Variants in PCYT2 observed in about 807,000 individuals in gnomAD.
PCYT2 encodes ethanolamine-phosphate cytidylyltransferase.
PCYT2 carries 33 observed loss-of-function variants against 50.0 expected under a neutral mutation model. The observed-to-expected ratio is 0.66, with a 90% CI of 0.50 to 0.88. PCYT2 has a LOEUF of 0.88. Among genes scored for constraint, PCYT2 ranks in the 40% least tolerant of loss-of-function variants. PCYT2 has a pLI of 0.00. For missense variants in PCYT2, 430 were observed against 519.7 expected (o/e 0.83, Z 1.68); for synonymous variants, 240 against 203.7 (o/e 1.18, Z -1.52).
In PCYT2 at chr17:81,908,650, C is replaced by T. The variant is rs2040411730; in HGVS notation, c.341-16G>A. On this transcript the variant is annotated splice_polypyrimidine_tract_variant and intron_variant, in intron 3 of 12. Coordinates refer to ENST00000538936, the MANE Select transcript of PCYT2 (RefSeq NM_002861.5). Reference sequence around the variant, plus strand: ...GTGATGTCATCTAAGCAGTGACACACAAGGACAAGGATCCTTAACCCAAAG... The same window carrying T: ...GTGATGTCATCTAAGCAGTGACACATAAGGACAAGGATCCTTAACCCAAAG... 6.2e-7 allele frequency: 1 copy of T among 1,604,706 alleles called. No homozygotes were observed. Among genetic ancestry groups the T allele is most frequent in the African/African-American group, 1.3e-5 (1 of 74,754 alleles).
At position 81,904,689 on chromosome 17, in the gene PCYT2, T is replaced by A. The variant is rs778206205; in HGVS notation, c.*144A>T. 2 of 611,398 alleles carry A rather than the reference T, an allele frequency of 3.3e-6. No homozygotes were observed. Among genetic ancestry groups the A allele is most frequent in the Non-Finnish European group, 5.7e-6 (2 of 348,544 alleles). The allele number at this position is 611,398 out of a possible 1,614,324, so 37.9% of individuals were successfully genotyped here. On this transcript the variant is annotated 3_prime_UTR_variant, in exon 13 of 13. Coordinates refer to ENST00000538936, the MANE Select transcript of PCYT2 (RefSeq NM_002861.5). Reference sequence around the variant, plus strand: ...GAGAGCCTGCTGCAAACCAGGCACCTTGTAGGCAGGCAAGGAGGCAGAGTC... The same window carrying A: ...GAGAGCCTGCTGCAAACCAGGCACCATGTAGGCAGGCAAGGAGGCAGAGTC...
intron 12 of PCYT2, 49 bp from the exon 13 acceptor site, chr17:81,904,993 G>C (rs779170350): frequency 1.6e-5 from 25 of 1,588,804 alleles, no homozygotes; most frequent in Non-Finnish European, 1.8e-5. Flanking sequence ...AGGCGGCTCC[G>C]AGGGGGAGGG....
chr17:81,905,679 A>G lies in PCYT2; in HGVS notation c.894T>C (p.Ser298=). ...CCATGCGGAGCCTCACCTTGAAGTG[A>G]CTTAGGAGCTCTGCTGTGACCGCGT... ...APYAVTAELL[S]HFKVDLVCHG... Residue 298 remains serine, a synonymous_variant, in exon 10 of 13, where the codon AGT becomes AGC. Transcript: ENST00000538936. 10 of 1,613,378 alleles carry G rather than the reference A, an allele frequency of 6.2e-6. No individual in the cohort carries two copies. Among genetic ancestry groups the G allele is most frequent in the Non-Finnish European group, 8.5e-6 (10 of 1,179,822 alleles).
At chr17:81,911,120 C>T in intron 1 of PCYT2, 147 bp downstream of exon 1, 1 of 1,002,466 alleles carries the variant, frequency 1.0e-6, no homozygotes, top group Non-Finnish European at 1.2e-6. Flanking sequence ...TCCCGGCAGG[C>T]GAGCCCCGCA....
chr17:81,904,945 C>A lies in PCYT2; in HGVS notation c.1059-1G>T. The stretch of plus-strand genomic sequence containing the variant: ...CTGGTTTCGCGCCTCATACTCCAAC[C>A]TGAGAGGGCAGGGTAAGTCTAGCAG... On this transcript the variant is annotated splice_acceptor_variant, in intron 12 of 12. Transcript: ENST00000538936. LOFTEE classifies it high-confidence loss of function. 1 of 1,606,660 alleles carries A rather than the reference C, an allele frequency of 6.2e-7. No homozygotes were observed. The highest frequency in any genetic ancestry group is 8.5e-7 in the Non-Finnish European group (1 of 1,175,658).
At chr17:81,909,735 TG>T in intron 1 of PCYT2, 133 bp from the exon 2 acceptor site, 1 of 679,426 alleles carries the variant, frequency 1.5e-6, no homozygotes, top group South Asian at 1.6e-5. Flanking sequence ...CTGGGAGCCC[TG>T]GGACTGGGAT....
At position 81,906,111 on chromosome 17, in the gene PCYT2, G is replaced by A. The variant is rs1194333250; in HGVS notation, c.826C>T (p.Leu276=). The A allele has an allele frequency of 6.2e-7, 1 of 1,611,862 alleles. No individual in the cohort carries two copies. The highest frequency in any genetic ancestry group is 2.2e-5 in the East Asian group (1 of 44,868). The change falls in exon 9 of 13, where the codon CTG becomes TTG. Residue 276 remains leucine (L), a synonymous_variant. Coordinates refer to ENST00000538936, the MANE Select transcript of PCYT2 (RefSeq NM_002861.5). ...MNLHERTLSV[L]ACRYVSEVVI... Reference sequence around the variant, plus strand: ...TGGCCCCCACTCACCCGGCAGGCCAGCACGCTCAGAGTCCGTTCATGCAGA... The same window carrying A: ...TGGCCCCCACTCACCCGGCAGGCCAACACGCTCAGAGTCCGTTCATGCAGA...
rs2040121700 is a variant in PCYT2, at chr17:81,904,379, CA to C, written c.*453del. On this transcript the variant is annotated 3_prime_UTR_variant, in exon 13 of 13. Transcript: ENST00000538936. ...TGGAGCCAGGCGCTGGGTGGCAGGA[CA>C]CCGTGTTGGGGGGTGCCCAGTGGGA... The C allele has an allele frequency of 6.2e-6, 1 of 160,558 alleles. No homozygotes were observed. Among genetic ancestry groups the C allele is most frequent in the Non-Finnish European group, 1.4e-5 (1 of 74,024 alleles). 9.9% of individuals were successfully genotyped at this position (160,558 alleles called of 1,614,324 possible).
chr17:81,911,294 C>G lies in PCYT2; in HGVS notation c.62G>C (p.Arg21Pro), dbSNP rs757042124. ...GCCATCGCACCACACCCTCACGGCG[C>G]GCCTGCCCCCCGGGCCCGGCTGCTC... is the stretch of plus-strand genomic sequence containing the variant. ...GAEQPGPGGR[R>P]AVRVWCDGCY... Residue 21 changes from arginine (R) to proline (P), a missense_variant, in exon 1 of 13, where the codon CGC becomes CCC. Physicochemically the swap from Arg to Pro is moderately radical, Grantham distance 103 (BLOSUM62 -2). Coordinates refer to ENST00000538936, the MANE Select transcript of PCYT2 (RefSeq NM_002861.5). 7.0e-6 allele frequency: 8 copies of G among 1,139,924 alleles called. No homozygotes were observed. The highest frequency in any genetic ancestry group is 8.7e-6 in the Non-Finnish European group (8 of 915,776). The allele number at this position is 1,139,924 out of a possible 1,614,324, so 70.6% of individuals were successfully genotyped here. A position where few individuals can be genotyped will look rare whatever the true frequency, so the allele number is the denominator to read the frequency against.
At position 81,904,473 on chromosome 17, in the gene PCYT2, T is replaced by C. The variant is rs2143644174; in HGVS notation, c.*360A>G. On this transcript the variant is annotated 3_prime_UTR_variant, in exon 13 of 13. Coordinates refer to ENST00000538936, the MANE Select transcript of PCYT2 (RefSeq NM_002861.5). ...GTCACTGCTCCCTAAAGCCCTCTGC[T>C]CTGCACCTCCCGCCACAGCTGGGTG... 1 of 266,846 alleles carries C rather than the reference T, an allele frequency of 3.7e-6. No individual in the cohort carries two copies. The highest frequency in any genetic ancestry group is 2.2e-5 in the African/African-American group (1 of 45,450). 16.5% of individuals were successfully genotyped at this position (266,846 alleles called of 1,614,324 possible).
chr17:81,908,709 G>T, intron 3 of PCYT2, 75 bp from the exon 4 acceptor site: 1 of 1,406,360 alleles, frequency 7.1e-7, no homozygotes, highest in South Asian at 1.2e-5. Context: ...GACCCTCTCG[G>T]CCCCTGGCCT....
Position 81,905,059 on chromosome 17 carries a change from A to G in PCYT2, c.1058+7T>C, listed in dbSNP as rs74006128. 5,708 of 1,608,602 alleles carry G rather than the reference A, an allele frequency of 3.5e-3. 164 individuals are homozygous for G. In the African/African-American group the frequency reaches 0.065, roughly 18 times the overall value. On this transcript the variant is annotated splice_region_variant and intron_variant, in intron 12 of 12. Transcript: ENST00000538936. ...GGCGGCTCCGAGGTGCCCCCACCCA[A>G]CTGCACCTGTTGGTGATGATCCGCT...
rs955860969 is a variant in PCYT2, at chr17:81,906,114, C to A, written c.823G>T (p.Val275Leu). 6.2e-7 allele frequency: 1 copy of A among 1,612,186 alleles called. No homozygotes were observed. Among genetic ancestry groups the A allele is most frequent in the South Asian group, 1.1e-5 (1 of 90,840 alleles). Residue 275 changes from valine to leucine, a missense_variant, in exon 9 of 13, where the codon GTG (valine) becomes TTG (leucine). Physicochemically the swap from Val to Leu is conservative, Grantham distance 32. Coordinates refer to ENST00000538936, the MANE Select transcript of PCYT2 (RefSeq NM_002861.5). The stretch of plus-strand genomic sequence containing the variant: ...CCCCCACTCACCCGGCAGGCCAGCA[C>A]GCTCAGAGTCCGTTCATGCAGATTC... ...IMNLHERTLSVLACRYVSEVV... is the reference protein window; with the variant it reads ...IMNLHERTLSLLACRYVSEVV...
At position 81,907,095 on chromosome 17, in the gene PCYT2, A is replaced by G. The variant is rs538530117; in HGVS notation, c.538-197T>C. The G allele has an allele frequency of 7.5e-5, 83 of 1,100,266 alleles. No individual in the cohort carries two copies. In the African/African-American group the frequency reaches 1.1e-3, roughly 15 times the overall value. 68.2% of individuals were successfully genotyped at this position (1,100,266 alleles called of 1,614,324 possible). A position where few individuals can be genotyped will look rare whatever the true frequency, so the allele number is the denominator to read the frequency against. On this transcript the variant is annotated intron_variant, in intron 6 of 12. Transcript: ENST00000538936. ...ACAACCACAGCAGGCACCGCAGCAG[A>G]CACCACTTCAGCCCAGCAAGCGACC...
chr17:81,908,955 G>C lies in PCYT2; in HGVS notation c.261C>G (p.Asp87Glu), dbSNP rs756321485. 10 of 1,613,820 alleles carry C rather than the reference G, an allele frequency of 6.2e-6. No individual in the cohort carries two copies. In the South Asian group the frequency reaches 1.1e-4, roughly 18 times the overall value. ...CGTAGGGAGCCGCTGGCACCACCTC[G>C]TCCACCCATTTGATGGCCTGCACCA... is the stretch of plus-strand genomic sequence containing the variant. ...YKMVQAIKWV[D>E]EVVPAAPYVT... Residue 87 changes from aspartate to glutamate, a missense_variant, in exon 3 of 13, where the codon GAC becomes GAG. Around this residue, in one of 4 missense-constraint regions of PCYT2, gnomAD observed 117 missense variants for 163.9 expected, o/e 0.71. Transcript: ENST00000538936.
intron 6 of PCYT2, 80 bp from the exon 7 acceptor site, chr17:81,906,978 G>T: frequency 6.8e-7 from 1 of 1,467,732 alleles, no homozygotes; most frequent in African/African-American, 1.4e-5. Context: ...ACCCTCAGCT[G>T]TCACCTGCCA....
Position 81,902,177 on chromosome 17 carries a change from C to T in PCYT2, c.*2656G>A, listed in dbSNP as rs1336075912. Reference sequence around the variant, plus strand: ...CAGCCCGCCCGCCGCCCCTCCCGGCCCTCCGCAGCCTCGGCCCGCCCTCGC... The same window carrying T: ...CAGCCCGCCCGCCGCCCCTCCCGGCTCTCCGCAGCCTCGGCCCGCCCTCGC... On this transcript the variant is annotated 3_prime_UTR_variant, in exon 13 of 13. Coordinates refer to ENST00000538936, the MANE Select transcript of PCYT2 (RefSeq NM_002861.5). 1.7e-5 allele frequency: 19 copies of T among 1,114,744 alleles called. No homozygotes were observed. In the African/African-American group the frequency reaches 2.8e-4, roughly 16 times the overall value. 69.1% of individuals were successfully genotyped at this position (1,114,744 alleles called of 1,614,324 possible). A position where few individuals can be genotyped will look rare whatever the true frequency, so the allele number is the denominator to read the frequency against.
chr17:81,902,488 TC>T lies in PCYT2; in HGVS notation c.*2344del. 1 of 1,401,370 alleles carries T rather than the reference TC, an allele frequency of 7.1e-7. No individual in the cohort carries two copies. The highest frequency in any genetic ancestry group is 3.0e-5 in the East Asian group (1 of 33,548). 86.8% of individuals were successfully genotyped at this position (1,401,370 alleles called of 1,614,324 possible). ...GGAACCCCCGGGCGGGGCCGGCGCC[TC>T]CCCGGAGCTGCAACTGCACCCCAGG... is the stretch of plus-strand genomic sequence containing the variant. On this transcript the variant is annotated 3_prime_UTR_variant, in exon 13 of 13. Transcript: ENST00000538936.
At position 81,906,812 on chromosome 17, in the gene PCYT2, C is replaced by T. The variant is rs1181336736; in HGVS notation, c.624G>A (p.Glu208=). 1 of 1,613,526 alleles carries T rather than the reference C, an allele frequency of 6.2e-7. No homozygotes were observed. Among genetic ancestry groups the T allele is most frequent in the Non-Finnish European group, 8.5e-7 (1 of 1,179,986 alleles). Residue 208 remains glutamate (E), a synonymous_variant, in exon 7 of 13, where the codon GAG becomes GAA. Transcript: ENST00000538936. ...AGATGACTGTCTCCCCTGGCTGGGG[C>T]TCCTTCCCAGAAGCAAACTGGATGA... The part of the protein sequence containing the change: ...QKIIQFASGK[E]PQPGETVIYV...
Sources: gnomAD v4.1 joint callset for allele counts on GRCh38, gnomAD v4.1.1 for gene constraint, gnomAD v4.1.1 regional missense constraint, MANE v1.5 for transcripts, NCBI Gene and HGNC (gene_info 2026-07-23, HGNC 2026-07-21) for gene names.